The following TCF20 variants were observed in gnomAD, a reference collection of about 807,000 sequenced individuals.
TCF20 encodes the protein SPRE-binding protein.
Under a neutral mutation model 148.6 loss-of-function variants are expected in TCF20, and 3 were observed. The observed-to-expected ratio is 0.02, with a 90% confidence interval of 0.01 to 0.05. The LOEUF (loss-of-function observed/expected upper bound fraction) is 0.05, where lower values mean the gene tolerates loss of function less well. Ranked by LOEUF, TCF20 falls within the 10% of genes least tolerant of loss-of-function variation. The pLI is 1.00. For synonymous variants in TCF20, 1,049 were observed against 909.5 expected (o/e 1.15, Z -2.76); for missense variants, 2,350 against 2,429.3 (o/e 0.97, Z 0.69).
intron 3 of TCF20, among the ~76,000 whole-genome samples, chr22:42,178,100 A>G (rs2147088353): frequency 6.6e-6 from 1 of 152,288 alleles, no homozygotes; most frequent in Middle Eastern, 3.4e-3. Context: ...GGGCTTCTGG[A>G]CTGCTGAGTA....
intron 1 of TCF20, among the ~76,000 whole-genome samples, chr22:42,306,660 G>A (rs542027621): frequency 1.3e-5 from 2 of 152,278 alleles, no homozygotes; most frequent in Middle Eastern, 3.4e-3. Flanking sequence ...TTCGCCTCAG[G>A]AGCCCCCATG....
At chr22:42,294,991 C>A (rs1927204793) in intron 1 of TCF20, among the ~76,000 whole-genome samples, 1 of 152,190 alleles carries the variant, frequency 6.6e-6, no homozygotes, top group Non-Finnish European at 1.5e-5. Context: ...AACCTACGCG[C>A]TGCCTAGAGG....
intron 5 of TCF20, among the ~76,000 whole-genome samples, chr22:42,162,736 C>T (rs1935541579): frequency 6.6e-6 from 1 of 152,190 alleles, no homozygotes. Flanking sequence ...ACCCCAAGAA[C>T]CCAAGTGTCA....
At chr22:42,173,076 C>G (rs1005989636) in intron 3 of TCF20, among the ~76,000 whole-genome samples, 6 of 151,196 alleles carry the variant, frequency 4.0e-5, no homozygotes, top group East Asian at 1.9e-4. Flanking sequence ...GCTACTGCAA[C>G]GAGAGCTGCA....
chr22:42,265,856 C>G (rs1239243175), intron 1 of TCF20, among the ~76,000 whole-genome samples: 1 of 152,128 alleles, frequency 6.6e-6, no homozygotes, highest in Non-Finnish European at 1.5e-5. Flanking sequence ...ACTCTTTAAG[C>G]TGATACCAAA....
At chr22:42,204,506 G>GA (rs1009600409) in intron 2 of TCF20, among the ~76,000 whole-genome samples, 3 of 148,594 alleles carry the variant, frequency 2.0e-5, no homozygotes, top group East Asian at 2.0e-4. Context: ...AAAAATCAAG[G>GA]AAAAAAAACC....
rs909569 is a variant in TCF20 at position 42,173,672 on chromosome 22, T to G, written c.5750-3776A>C. Among the ~76,000 whole-genome samples the G allele has an allele frequency of 4.0e-3, 602 of 152,270 alleles. 1 individual carries two copies. The highest frequency in any genetic ancestry group is 0.024 in the Middle Eastern group (7 of 294). ...CAGAGAGCAATTTCCAAGAAGACTG[T>G]GTGGAATAATACAAGCGTCCATCCC... is the stretch of plus-strand genomic sequence containing the variant. On this transcript the variant is annotated intron_variant, in intron 3 of 5. Coordinates refer to ENST00000677622, the MANE Select transcript of TCF20 (RefSeq NM_001378418.1).
chr22:42,321,550 A>G (rs1006266257), intron 1 of TCF20, among the ~76,000 whole-genome samples: 5 of 151,922 alleles, frequency 3.3e-5, no homozygotes, highest in African/African-American at 1.2e-4. Flanking sequence ...AATTACCATT[A>G]TAATTCCCTG....
At chr22:42,255,018 C>T (rs915018599) in intron 1 of TCF20, among the ~76,000 whole-genome samples, 1 of 145,696 alleles carries the variant, frequency 6.9e-6, no homozygotes, top group African/African-American at 2.5e-5. Flanking sequence ...GAGTTTTTCC[C>T]AATTCCCAAT....
chr22:42,222,260 C>T (rs1166706023), intron 1 of TCF20, among the ~76,000 whole-genome samples: 1 of 152,132 alleles, frequency 6.6e-6, no homozygotes, highest in Non-Finnish European at 1.5e-5. Flanking sequence ...CAAAGAAAAC[C>T]ATGATCATCC....
chr22:42,257,563 C>T (rs993963993), intron 1 of TCF20, among the ~76,000 whole-genome samples: 2 of 152,186 alleles, frequency 1.3e-5, no homozygotes, highest in Non-Finnish European at 2.9e-5. Context: ...ATGGTACATT[C>T]TTTCTCAATG....
intron 2 of TCF20, among the ~76,000 whole-genome samples, chr22:42,206,712 G>C (rs1161673659): frequency 6.6e-6 from 1 of 152,160 alleles, no homozygotes; most frequent in Non-Finnish European, 1.5e-5. Flanking sequence ...TTGGGAGATA[G>C]GGGACATGAT....
At chr22:42,304,011 G>A (rs867200243) in intron 1 of TCF20, among the ~76,000 whole-genome samples, 2 of 152,070 alleles carry the variant, frequency 1.3e-5, no homozygotes, top group South Asian at 2.1e-4. Context: ...AGCTGTGCCC[G>A]GGAAGGTCTG....
chr22:42,171,703 G>A (rs1329188148), intron 3 of TCF20, among the ~76,000 whole-genome samples: 2 of 152,220 alleles, frequency 1.3e-5, no homozygotes, highest in African/African-American at 4.8e-5. Flanking sequence ...TTTATAAACA[G>A]CAGGAGCCAG....
At chr22:42,169,405 G>A (rs1935985972) in intron 4 of TCF20, among the ~76,000 whole-genome samples, 3 of 152,012 alleles carry the variant, frequency 2.0e-5, no homozygotes. Flanking sequence ...AGCACAACCT[G>A]GAAGAGACTG....
upstream of TCF20, among the ~76,000 whole-genome samples, chr22:42,272,427 G>A (rs1361640878): frequency 6.6e-6 from 1 of 152,096 alleles, no homozygotes; most frequent in African/African-American, 2.4e-5. Flanking sequence ...TTTCCTTAGA[G>A]TCCCCTGCCC....
intron 1 of TCF20, among the ~76,000 whole-genome samples, chr22:42,224,499 A>G (rs1390050410): frequency 2.3e-5 from 3 of 133,076 alleles, no homozygotes; most frequent in African/African-American, 5.5e-5. Flanking sequence ...TTAAAAGATG[A>G]TATCCCATCT....
At chr22:42,236,495 A>ACTGT (rs1923899491) in intron 1 of TCF20, among the ~76,000 whole-genome samples, 1 of 151,926 alleles carries the variant, frequency 6.6e-6, no homozygotes. Context: ...ACCAATCCCC[A>ACTGT]CCCTCCCCAC....
chr22:42,214,614 AACTGACC>A lies in TCF20; in HGVS notation c.685_691del (p.Gly229LeufsTer36). On this transcript the variant is annotated frameshift_variant, in exon 2 of 6. Coordinates refer to ENST00000677622, the MANE Select transcript of TCF20 (RefSeq NM_001378418.1). LOFTEE classifies it high-confidence loss of function. ...AGCAGAAGACTGATAGTGTTGGCCA[AACTGACC>A]CACTCTTAACTGGTAACCAGCAGCA... is the stretch of plus-strand genomic sequence containing the variant. 1.2e-6 allele frequency: 2 copies of A among 1,614,102 alleles called. No homozygotes were observed. Among genetic ancestry groups the A allele is most frequent in the Non-Finnish European group, 1.7e-6 (2 of 1,180,032 alleles).
Sources: allele counts gnomAD v4.1 joint callset (sites outside exome capture counted in the v4.1 genomes callset), GRCh38; gene constraint gnomAD v4.1.1; transcripts MANE v1.5; gene names NCBI Gene and HGNC (gene_info 2026-07-23, HGNC 2026-07-21).